ASB2: variants seen among roughly 807,000 people sequenced by gnomAD.
ASB2 encodes ankyrin repeat and SOCS box containing 2.
Under a neutral mutation model 62.4 loss-of-function variants are expected in ASB2, and 58 were observed. The ratio of observed to expected loss-of-function variants is 0.93; its 90% CI spans 0.75 to 1.16. The LOEUF is 1.16. ASB2 is among the 50% of genes most tolerant of loss of function. ASB2 has a pLI of 0.00. For missense variants in ASB2, 928 were observed against 887.9 expected (o/e 1.05, Z -0.57); for synonymous variants, 386 against 385.3 (o/e 1.00, Z -0.02).
intron 1 of ASB2, among the ~76,000 whole-genome samples, chr14:93,965,155 A>G (rs1456213243): frequency 6.6e-6 from 1 of 152,148 alleles, no homozygotes; most frequent in Non-Finnish European, 1.5e-5. Flanking sequence ...ACATCCATCT[A>G]TCCAATCATC....
Position 93,953,518 on chromosome 14 carries a change from C to A in ASB2, c.479-11G>T. On this transcript the variant is annotated splice_polypyrimidine_tract_variant and intron_variant, in intron 4 of 9. Transcript: ENST00000555019. ...TGGTCCCTGGGTACGCTAGGGAGGG[C>A]CCACCGGGAAATTCATGTAGGAGAA... 2.6e-6 allele frequency: 4 copies of A among 1,559,112 alleles called. No homozygotes were observed. Among genetic ancestry groups the A allele is most frequent in the Admixed American group, 1.8e-5 (1 of 54,448 alleles).
intron 7 of ASB2, among the ~76,000 whole-genome samples, chr14:93,944,990 C>T (rs1430624401): frequency 1.3e-5 from 2 of 152,240 alleles, no homozygotes; most frequent in African/African-American, 4.8e-5. Flanking sequence ...CCATATCTGA[C>T]CTTGGCTTCC....
rs1486570433 is a variant in ASB2 at position 93,934,578 on chromosome 14, T to C, written c.*78A>G. 6.7e-7 allele frequency: 1 copy of C among 1,487,552 alleles called. No individual in the cohort carries two copies. Among genetic ancestry groups the C allele is most frequent in the African/African-American group, 1.4e-5 (1 of 72,290 alleles). The allele number at this position is 1,487,552 out of a possible 1,614,324, so 92.1% of individuals were successfully genotyped here. A position where few individuals can be genotyped will look rare whatever the true frequency, so the allele number is the denominator to read the frequency against. Reference sequence around the variant, plus strand: ...CAGCCTCGTCTGTCACCAGGTCCCCTTGGAGTTGGGAACACCGACGTCCTG... The same window carrying C: ...CAGCCTCGTCTGTCACCAGGTCCCCCTGGAGTTGGGAACACCGACGTCCTG... On this transcript the variant is annotated 3_prime_UTR_variant, in exon 10 of 10. Coordinates refer to ENST00000555019, the MANE Select transcript of ASB2 (RefSeq NM_001202429.2).
intron 3 of ASB2, chr14:93,955,029 T>C (rs1283070372): frequency 4.4e-6 from 2 of 456,706 alleles, no homozygotes; most frequent in Non-Finnish European, 8.8e-6. Flanking sequence ...AGTGAAGCCG[T>C]TCCTTGCTTG....
chr14:93,942,956 GTGCTAATATTGC>G (rs1361225733), intron 7 of ASB2, among the ~76,000 whole-genome samples: 1 of 152,158 alleles, frequency 6.6e-6, no homozygotes, highest in Non-Finnish European at 1.5e-5. Context: ...AGTCATAATT[GTGCTAATATTGC>G]TGAGCGCTTA....
Position 93,934,422 on chromosome 14 carries a change from A to G in ASB2, c.*234T>C. On this transcript the variant is annotated 3_prime_UTR_variant, in exon 10 of 10. Transcript: ENST00000555019. Reference sequence around the variant, plus strand: ...TTCCTGAAGGTAGAGAAGGTCTGGGATCTGCTCATCAGTTTGTAAACAAAT... The same window carrying G: ...TTCCTGAAGGTAGAGAAGGTCTGGGGTCTGCTCATCAGTTTGTAAACAAAT... 2 of 541,358 alleles carry G rather than the reference A, an allele frequency of 3.7e-6. No homozygotes were observed. Among genetic ancestry groups the G allele is most frequent in the South Asian group, 4.1e-5 (2 of 49,238 alleles). 33.5% of individuals were successfully genotyped at this position (541,358 alleles called of 1,614,324 possible). A position where few individuals can be genotyped will look rare whatever the true frequency, so the allele number is the denominator to read the frequency against.
intron 2 of ASB2, among the ~76,000 whole-genome samples, chr14:93,962,658 T>C (rs556293273): frequency 6.6e-6 from 1 of 152,226 alleles, no homozygotes; most frequent in East Asian, 1.9e-4. Flanking sequence ...AGAGTCAGGG[T>C]CTGGATGCCG....
intron 6 of ASB2, 49 bp from the exon 7 acceptor site, chr14:93,947,569 C>T (rs199984151): frequency 5.0e-6 from 8 of 1,599,842 alleles, no homozygotes; most frequent in South Asian, 4.4e-5. Flanking sequence ...CGGGAAGTTG[C>T]TGTCCTCAAT....
At chr14:93,937,902 A>G (rs1438645725) in intron 8 of ASB2, 51 bp from the exon 9 acceptor site, 10 of 1,549,788 alleles carry the variant, frequency 6.5e-6, no homozygotes, top group Non-Finnish European at 7.0e-6. Flanking sequence ...CACCTGCAAG[A>G]GCCTGCGGCC....
At chr14:93,972,188 G>C (rs991675777) in intron 1 of ASB2, among the ~76,000 whole-genome samples, 9 of 151,468 alleles carry the variant, frequency 5.9e-5, no homozygotes, top group Admixed American at 2.6e-4. Flanking sequence ...GGGGACACAC[G>C]AGGAGTCAGG....
chr14:93,964,923 C>T (rs1213994658), intron 1 of ASB2, among the ~76,000 whole-genome samples: 2 of 152,046 alleles, frequency 1.3e-5, no homozygotes, highest in Admixed American at 1.3e-4. Flanking sequence ...TTCAACTATC[C>T]AACTACCCAC....
Position 93,934,763 on chromosome 14 carries a change from G to A in ASB2, c.1801C>T (p.Arg601Ter), listed in dbSNP as rs149373526. ...EPPRPLAHLC[R>*]LRVRKAIGKY... is the part of the protein sequence containing the mutation. ...CCAATGGCCTTTCGAACCCGCAGTC[G>A]GCAAAGGTGAGCCAGAGGTCTTGGA... Residue 601 changes from arginine (R) to a stop codon, truncating the protein, a stop_gained, in exon 10 of 10, where the codon CGA (arginine) becomes TGA (stop). Coordinates refer to ENST00000555019, the MANE Select transcript of ASB2 (RefSeq NM_001202429.2). LOFTEE classifies it high-confidence loss of function. 221 of 1,613,428 alleles carry A rather than the reference G, an allele frequency of 1.4e-4. No individual in the cohort carries two copies. Among genetic ancestry groups the A allele is most frequent in the Admixed American group, 1.0e-3 (61 of 60,030 alleles).
At position 93,950,999 on chromosome 14, in the gene ASB2, C is replaced by T. The variant is rs769286546; in HGVS notation, c.880G>A (p.Gly294Ser). 1.9e-5 allele frequency: 31 copies of T among 1,612,218 alleles called. No individual in the cohort carries two copies. The highest frequency in any genetic ancestry group is 3.3e-5 in the Admixed American group (2 of 59,940). Residue 294 changes from glycine (G) to serine (S), a missense_variant and splice_region_variant, in exon 6 of 10, where the codon GGT becomes AGT. By Grantham distance (56) the Gly-to-Ser change is moderately conservative. Coordinates refer to ENST00000555019, the MANE Select transcript of ASB2 (RefSeq NM_001202429.2). The part of the protein sequence containing the change: ...LEALRFLAKY[G>S]ADINTQASDN... ...GACCTAGGGACCCTTAGCCACTCACCGTACTTGGCTAAGAACCTCAAGGCC... is the reference window on the plus strand; with the variant it reads ...GACCTAGGGACCCTTAGCCACTCACTGTACTTGGCTAAGAACCTCAAGGCC...
At chr14:93,965,908 C>A (rs1282388974) in intron 1 of ASB2, among the ~76,000 whole-genome samples, 1 of 152,256 alleles carries the variant, frequency 6.6e-6, no homozygotes, top group South Asian at 2.1e-4. Flanking sequence ...GAGCTTGCTG[C>A]CCCTCAGCCT....
chr14:93,967,619 T>C (rs1234189625), intron 1 of ASB2, among the ~76,000 whole-genome samples: 2 of 152,238 alleles, frequency 1.3e-5, no homozygotes, highest in African/African-American at 2.4e-5. Context: ...AGTTTCCTCA[T>C]TGCAAAAGGA....
chr14:93,937,942 G>A, intron 8 of ASB2, 91 bp from the exon 9 acceptor site: 1 of 1,340,240 alleles, frequency 7.5e-7, no homozygotes, highest in East Asian at 2.6e-5. Flanking sequence ...TCCAAGCACA[G>A]ACACTGTGCA....
At chr14:93,976,001 C>G (rs889523733) in intron 1 of ASB2, among the ~76,000 whole-genome samples, 10 of 152,224 alleles carry the variant, frequency 6.6e-5, no homozygotes, top group African/African-American at 2.4e-4. Flanking sequence ...CCGTGCATGC[C>G]TAGGCACTCT....
chr14:93,973,493 G>C (rs932064749), intron 1 of ASB2, among the ~76,000 whole-genome samples: 10 of 152,156 alleles, frequency 6.6e-5, no homozygotes, highest in African/African-American at 1.9e-4. Context: ...CTGTTGCAAT[G>C]ATGAGCATCC....
rs1253466214 is a variant in ASB2, at chr14:93,938,222, T to G, written c.1618-371A>C. ...GGAGAGGAGTGTGTCTAACTTCCTT[T>G]TAAGTTCTGACTTTTTTTTTTTTTT... is the stretch of plus-strand genomic sequence containing the variant. On this transcript the variant is annotated intron_variant, in intron 8 of 9. Coordinates refer to ENST00000555019, the MANE Select transcript of ASB2 (RefSeq NM_001202429.2). Among the ~76,000 whole-genome samples, 6 of 150,448 alleles carry G rather than the reference T, an allele frequency of 4.0e-5. No individual in the cohort carries two copies. In the East Asian group the frequency reaches 1.2e-3, roughly 30 times the overall value.
Sources: gnomAD v4.1 joint callset for allele counts (sites outside exome capture counted in the v4.1 genomes callset) on GRCh38, gnomAD v4.1.1 for gene constraint, MANE v1.5 for transcripts, NCBI Gene and HGNC (gene_info 2026-07-23, HGNC 2026-07-21) for gene names.